PKD2: variants seen among roughly 807,000 people sequenced by gnomAD.
PKD2 encodes polycystin-2.
Under a neutral mutation model 105.9 loss-of-function variants are expected in PKD2, and 48 were observed. The ratio of observed to expected loss-of-function variants is 0.45; its 90% CI spans 0.36 to 0.58. PKD2 has a LOEUF of 0.58. Among genes scored for constraint, PKD2 ranks in the 20% least tolerant of loss-of-function variants. The pLI is 0.00. For missense variants in PKD2, 1,078 were observed against 1,255.3 expected, an observed-to-expected ratio of 0.86 and a Z score of 2.13; for synonymous variants, 464 against 481.1, an observed-to-expected ratio of 0.96 and a Z score of 0.46.
intron 1 of PKD2, among the ~76,000 whole-genome samples, chr4:88,017,457 T>C (rs567130437): frequency 6.6e-6 from 1 of 152,350 alleles, no homozygotes; most frequent in African/African-American, 2.4e-5. Flanking sequence ...TCACCCAGGC[T>C]GGAGTGCAGT....
chr4:88,014,389 C>T (rs1304976520), intron 1 of PKD2, among the ~76,000 whole-genome samples: 1 of 151,842 alleles, frequency 6.6e-6, no homozygotes, highest in Non-Finnish European at 1.5e-5. Flanking sequence ...CGGTGGCACA[C>T]GCCTTTAATC....
At position 88,049,818 on chromosome 4, in the gene PKD2, A is replaced by G. The variant is rs72873485; in HGVS notation, c.1549-2173A>G. 3.0e-3 allele frequency among the ~76,000 whole-genome samples: 460 copies of G among 151,400 alleles called. 3 individuals are homozygous for G. Among genetic ancestry groups the G allele is most frequent in the African/African-American group, 0.01 (418 of 41,448 alleles). On this transcript the variant is annotated intron_variant, in intron 6 of 14. Transcript: ENST00000237596. ...TATTTTCCTTTTTTCTTTCCCCAAC[A>G]TATGTTCTGAAGTACACAGGCTGCA...
rs1330739776 is a variant in PKD2, at chr4:88,076,113, C to T, written c.*419C>T. The stretch of plus-strand genomic sequence containing the variant: ...GTGAAGGAAAATGGGGCATTCCTTT[C>T]CACTCTGGCATAGTTCATGAGCTTA... On this transcript the variant is annotated 3_prime_UTR_variant, in exon 15 of 15. Transcript: ENST00000237596. 4.6e-6 allele frequency: 1 copy of T among 216,466 alleles called. No individual in the cohort carries two copies. Among genetic ancestry groups the T allele is most frequent in the Non-Finnish European group, 9.3e-6 (1 of 107,500 alleles). The allele number at this position is 216,466 out of a possible 1,614,324, so 13.4% of individuals were successfully genotyped here.
intron 1 of PKD2, among the ~76,000 whole-genome samples, chr4:88,016,915 A>G (rs74970203): frequency 0.1 from 15,155 of 151,762 alleles, 1,062 homozygotes; most frequent in East Asian, 0.4. Flanking sequence ...GCAGTGGGCC[A>G]TGATTGTGCC....
At chr4:88,032,665 A>C (rs986739119) in intron 2 of PKD2, among the ~76,000 whole-genome samples, 1 of 152,150 alleles carries the variant, frequency 6.6e-6, no homozygotes, top group Admixed American at 6.5e-5. Flanking sequence ...ATTTTTCTTC[A>C]CAATTCATTT....
intron 1 of PKD2, among the ~76,000 whole-genome samples, chr4:88,014,502 T>A (rs1032551692): frequency 4.4e-5 from 5 of 112,884 alleles, no homozygotes; most frequent in Non-Finnish European, 7.8e-5. Context: ...AAAAAAAAAA[T>A]TCAAGATTCT....
chr4:88,051,027 T>C (rs1214247903), intron 6 of PKD2, among the ~76,000 whole-genome samples: 1 of 152,198 alleles, frequency 6.6e-6, no homozygotes, highest in East Asian at 1.9e-4. Context: ...CTGCTGCAGA[T>C]TCAGACCCCC....
At position 88,043,344 on chromosome 4, in the gene PKD2, A is replaced by T. The variant is rs760461153; in HGVS notation, c.1206A>T (p.Thr402=). 8 of 1,613,950 alleles carry T rather than the reference A, an allele frequency of 5.0e-6. No homozygotes were observed. Among genetic ancestry groups the T allele is most frequent in the Non-Finnish European group, 5.9e-6 (7 of 1,179,836 alleles). Residue 402 remains threonine, a synonymous_variant, in exon 5 of 15, where the codon ACA becomes ACT. Coordinates refer to ENST00000237596, the MANE Select transcript of PKD2 (RefSeq NM_000297.4). ...YLDLSRTREE[T]AAQVASLKKN... ...ATTTGTCAAGAACAAGAGAGGAAACAGCTGCACAAGTTGCTAGCCTCAAGA... is the reference window on the plus strand; with the variant it reads ...ATTTGTCAAGAACAAGAGAGGAAACTGCTGCACAAGTTGCTAGCCTCAAGA...
intron 4 of PKD2, among the ~76,000 whole-genome samples, chr4:88,039,056 C>T (rs151050934): frequency 1.5e-4 from 23 of 152,262 alleles, no homozygotes; most frequent in Admixed American, 1.5e-3. Flanking sequence ...CTTCAAACAT[C>T]TTGTGTATTA....
In PKD2 at chr4:88,007,820, G is replaced by A; in HGVS notation, c.87G>A (p.Leu29=). 1.9e-5 allele frequency: 22 copies of A among 1,183,080 alleles called. No homozygotes were observed. The highest frequency in any genetic ancestry group is 2.3e-5 in the Non-Finnish European group (22 of 958,708). 73.3% of individuals were successfully genotyped at this position (1,183,080 alleles called of 1,614,324 possible). A position where few individuals can be genotyped will look rare whatever the true frequency, so the allele number is the denominator to read the frequency against. The change falls in exon 1 of 15, where the codon CTG becomes CTA. Residue 29 remains leucine, a synonymous_variant. Transcript: ENST00000237596. ...PAPRAPDPGR[L]MAGCAAVGAS... ...CCCGCGCGCCGGACCCGGGCCGGCT[G>A]ATGGCTGGCTGCGCGGCCGTGGGCG... is the stretch of plus-strand genomic sequence containing the variant.
chr4:88,033,041 C>CTGGT (rs993858459), intron 2 of PKD2, among the ~76,000 whole-genome samples: 30 of 152,224 alleles, frequency 2.0e-4, no homozygotes, highest in African/African-American at 6.7e-4. Context: ...TGTAGCTGAC[C>CTGGT]ACCAGAGTTT....
At chr4:88,070,359 CT>C (rs1720964326) in intron 13 of PKD2, among the ~76,000 whole-genome samples, 1 of 151,796 alleles carries the variant, frequency 6.6e-6, no homozygotes, top group African/African-American at 2.4e-5. Flanking sequence ...GCTTCTTTCA[CT>C]TTCTCTTCTC....
chr4:88,065,245 C>T (rs1300895193), intron 10 of PKD2, 129 bp from the exon 11 acceptor site: 4 of 797,864 alleles, frequency 5.0e-6, no homozygotes, highest in East Asian at 2.5e-5. Flanking sequence ...CTTCATTCAT[C>T]CAGCACGTAC....
At chr4:88,056,718 A>G (rs771872533) in intron 8 of PKD2, among the ~76,000 whole-genome samples, 1 of 152,212 alleles carries the variant, frequency 6.6e-6, no homozygotes, top group Non-Finnish European at 1.5e-5. Flanking sequence ...TTTTTTTCCA[A>G]AGATCCCAAA....
At chr4:88,052,708 C>T (rs1720155715) in intron 7 of PKD2, among the ~76,000 whole-genome samples, 1 of 152,062 alleles carries the variant, frequency 6.6e-6, no homozygotes, top group Non-Finnish European at 1.5e-5. Flanking sequence ...AGAGGCCTTT[C>T]AGTGTGTTAG....
intron 12 of PKD2, among the ~76,000 whole-genome samples, chr4:88,066,431 G>A (rs962083301): frequency 5.3e-5 from 8 of 150,070 alleles, no homozygotes; most frequent in South Asian, 2.1e-4. Flanking sequence ...GCACAATCGC[G>A]ACTCACTGCA....
At chr4:88,045,401 A>C (rs1055488334) in intron 5 of PKD2, among the ~76,000 whole-genome samples, 2 of 152,218 alleles carry the variant, frequency 1.3e-5, no homozygotes, top group Non-Finnish European at 2.9e-5. Context: ...GAAAATTTTC[A>C]CACTTCTCTG....
intron 7 of PKD2, among the ~76,000 whole-genome samples, chr4:88,052,972 G>A (rs980895361): frequency 2.6e-5 from 4 of 152,110 alleles, no homozygotes; most frequent in South Asian, 2.1e-4. Context: ...GATATAATGT[G>A]CATTTCCATG....
intron 2 of PKD2, among the ~76,000 whole-genome samples, chr4:88,022,370 A>G (rs902916001): frequency 6.6e-6 from 1 of 152,236 alleles, no homozygotes; most frequent in African/African-American, 2.4e-5. Flanking sequence ...GTCTAAGAAC[A>G]TCAGTCCATT....
Sources: allele counts gnomAD v4.1 joint callset (sites outside exome capture counted in the v4.1 genomes callset), GRCh38; gene constraint gnomAD v4.1.1; transcripts MANE v1.5; gene names NCBI Gene and HGNC (gene_info 2026-07-23, HGNC 2026-07-21).